Variants in RASSF3 observed in about 807,000 individuals in gnomAD.
RASSF3 encodes Ras association domain family member 3, also known as ras association domain-containing protein 3.
In RASSF3, 19 loss-of-function variants were observed where a neutral mutation model predicts 19.9. That is an observed-to-expected ratio of 0.96 (90% confidence interval 0.67 to 1.40). RASSF3 has a LOEUF of 1.40. Ranked by LOEUF, RASSF3 falls within the 40% of genes most tolerant of loss-of-function variation. RASSF3 has a pLI of 0.00. For missense variants in RASSF3, 306 were observed against 289.8 expected (o/e 1.06, Z -0.41); for synonymous variants, 110 against 104.2 (o/e 1.06, Z -0.34).
In RASSF3 at chr12:64,696,118, C is replaced by CTCCCTCCCTCCCTCA. The variant is rs1868357975; in HGVS notation, c.*1206_*1207insTCCCTCCCTCCCTCA. 2 of 89,756 alleles carry CTCCCTCCCTCCCTCA rather than the reference C, an allele frequency of 2.2e-5. No homozygotes were observed. Among genetic ancestry groups the CTCCCTCCCTCCCTCA allele is most frequent in the African/African-American group, 9.8e-5 (2 of 20,344 alleles). 5.6% of individuals were successfully genotyped at this position (89,756 alleles called of 1,614,324 possible). A position where few individuals can be genotyped will look rare whatever the true frequency, so the allele number is the denominator to read the frequency against. On this transcript the variant is annotated 3_prime_UTR_variant, in exon 5 of 5. Coordinates refer to ENST00000542104, the MANE Select transcript of RASSF3 (RefSeq NM_178169.4). Reference sequence around the variant, plus strand: ...CCCTCCCTCCCTCCCTCCCTCCCTCCCTCCTTCCCTCCCTCTCTCTCCCTC... The same window carrying CTCCCTCCCTCCCTCA: ...CCCTCCCTCCCTCCCTCCCTCCCTCCTCCCTCCCTCCCTCACTCCTTCCCTCCCTCTCTCTCCCTC...
intron 1 of RASSF3, among the ~76,000 whole-genome samples, chr12:64,634,966 T>C (rs1311058165): frequency 4.7e-5 from 6 of 127,912 alleles, no homozygotes; most frequent in Admixed American, 8.0e-5. Context: ...TCTTTTCTTT[T>C]CTTTTTTTTT....
chr12:64,576,487 T>C (rs1869597588), intron 2 of RASSF3, among the ~76,000 whole-genome samples: 1 of 152,042 alleles, frequency 6.6e-6, no homozygotes, highest in African/African-American at 2.4e-5. Flanking sequence ...TAGGAAAAGA[T>C]TTATTAAACA....
chr12:64,692,282 T>C (rs1868297633), intron 4 of RASSF3, among the ~76,000 whole-genome samples: 1 of 152,214 alleles, frequency 6.6e-6, no homozygotes, highest in Non-Finnish European at 1.5e-5. Context: ...ATGGTGCAAT[T>C]GAGAATAGGG....
intron 2 of RASSF3, among the ~76,000 whole-genome samples, chr12:64,564,252 TC>T (rs1304135298): frequency 1.3e-5 from 2 of 152,226 alleles, no homozygotes; most frequent in African/African-American, 4.8e-5. Context: ...CTAAAGAGAA[TC>T]TTTATAAACA....
intron 1 of RASSF3, 128 bp downstream of exon 1, chr12:64,610,871 G>A: frequency 1.9e-6 from 1 of 524,880 alleles, no homozygotes; most frequent in Non-Finnish European, 3.3e-6. Context: ...GGAGGAGCGG[G>A]CCGAGAAGTG....
At chr12:64,576,038 C>T (rs544450394) in intron 2 of RASSF3, among the ~76,000 whole-genome samples, 8 of 152,176 alleles carry the variant, frequency 5.3e-5, no homozygotes, top group African/African-American at 1.7e-4. Flanking sequence ...TACAGGCATG[C>T]ACCACCATGC....
chr12:64,653,159 T>C (rs1329324530), intron 1 of RASSF3, among the ~76,000 whole-genome samples: 1 of 152,160 alleles, frequency 6.6e-6, no homozygotes, highest in Non-Finnish European at 1.5e-5. Context: ...GCCTTGATCT[T>C]CCAGGCTCAA....
At chr12:64,693,500 C>G (rs1450514664) in intron 4 of RASSF3, among the ~76,000 whole-genome samples, 1 of 151,308 alleles carries the variant, frequency 6.6e-6, no homozygotes, top group Admixed American at 6.6e-5. Flanking sequence ...CTCACTGCAG[C>G]CTCAATCTCC....
chr12:64,566,328 T>G (rs1869431051), intron 2 of RASSF3, among the ~76,000 whole-genome samples: 1 of 152,234 alleles, frequency 6.6e-6, no homozygotes, highest in South Asian at 2.1e-4. Context: ...TGTTTTACAT[T>G]TTTTAATTTT....
chr12:64,657,253 C>G (rs1216417352), intron 1 of RASSF3, among the ~76,000 whole-genome samples: 2 of 152,132 alleles, frequency 1.3e-5, no homozygotes, highest in African/African-American at 4.8e-5. Context: ...CTCAAGTGAT[C>G]TGCCCACCCG....
chr12:64,591,945 A>C (rs563245034), intron 2 of RASSF3, among the ~76,000 whole-genome samples: 8 of 148,654 alleles, frequency 5.4e-5, no homozygotes, highest in Non-Finnish European at 1.2e-4. Flanking sequence ...TGTGTCCCCT[A>C]GGCTAGAGTG....
In RASSF3 at chr12:64,694,826, G is replaced by GTTCA; in HGVS notation, c.631_632insTTCA (p.Glu211ValfsTer24). On this transcript the variant is annotated frameshift_variant, in exon 5 of 5. Coordinates refer to ENST00000542104, the MANE Select transcript of RASSF3 (RefSeq NM_178169.4). LOFTEE classifies it low-confidence loss of function (END_TRUNC). ...GCGCATCTTGGACAAGGAAGAAGAT[G>GTTCA]AACAGCTGCAGAACCTGAAGAGGCG... The GTTCA allele has an allele frequency of 1.2e-6, 2 of 1,614,236 alleles. No homozygotes were observed. The highest frequency in any genetic ancestry group is 1.7e-6 in the Non-Finnish European group (2 of 1,180,030).
chr12:64,614,322 C>G (rs569465362), intron 1 of RASSF3, among the ~76,000 whole-genome samples: 1 of 152,090 alleles, frequency 6.6e-6, no homozygotes, highest in African/African-American at 2.4e-5. Context: ...GAGACGGGGT[C>G]TCACCATGTT....
At chr12:64,637,423 C>CTTTT (rs781748041) in intron 1 of RASSF3, among the ~76,000 whole-genome samples, 2 of 132,510 alleles carry the variant, frequency 1.5e-5, no homozygotes, top group Non-Finnish European at 3.2e-5. Context: ...TAGTTTCTTT[C>CTTTT]TTTTTTTTTT....
chr12:64,620,660 AT>A, intron 1 of RASSF3, among the ~76,000 whole-genome samples: 1 of 152,226 alleles, frequency 6.6e-6, no homozygotes, highest in East Asian at 1.9e-4. Context: ...GAGGTTTCTA[AT>A]TTTTGCTACT....
chr12:64,594,483 A>C lies in RASSF3; in HGVS notation c.294+52778A>C, dbSNP rs138306995. 6.3e-3 allele frequency among the ~76,000 whole-genome samples: 965 copies of C among 152,294 alleles called. 7 individuals carry two copies. Among genetic ancestry groups the C allele is most frequent in the African/African-American group, 0.023 (936 of 41,562 alleles). On this transcript the variant is annotated intron_variant, in intron 2 of 5. Coordinates refer to the RASSF3 transcript ENST00000637125. ...ACAAAAACAATGTTTTATTACTATA[A>C]ATTTATTTTTATAAATTTGAATGTA...
intron 1 of RASSF3, among the ~76,000 whole-genome samples, chr12:64,540,451 C>T (rs1794726691): frequency 6.6e-6 from 1 of 151,974 alleles, no homozygotes; most frequent in African/African-American, 2.4e-5. Context: ...GGTATATATC[C>T]AAGAAAATGG....
intron 1 of RASSF3, among the ~76,000 whole-genome samples, chr12:64,666,563 T>G (rs1173951916): frequency 6.6e-6 from 1 of 152,224 alleles, no homozygotes; most frequent in Non-Finnish European, 1.5e-5. Context: ...TTTGTTATCT[T>G]TCTGGATAAC....
intron 1 of RASSF3, among the ~76,000 whole-genome samples, chr12:64,640,471 A>G (rs1871475342): frequency 6.6e-6 from 1 of 152,108 alleles, no homozygotes; most frequent in Admixed American, 6.6e-5. Flanking sequence ...CTCTCTACCT[A>G]TACCCTGGCA....
Sources: allele counts gnomAD v4.1 joint callset (sites outside exome capture counted in the v4.1 genomes callset), GRCh38; gene constraint gnomAD v4.1.1; transcripts MANE v1.5; gene names NCBI Gene and HGNC (gene_info 2026-07-23, HGNC 2026-07-21).